Variants in NOX4 observed in about 807,000 individuals in gnomAD.
The protein encoded by NOX4 is kidney oxidase-1.
NOX4 carries 69 observed loss-of-function variants against 87.6 expected under a neutral mutation model. The ratio of observed to expected loss-of-function variants is 0.79; its 90% CI spans 0.65 to 0.96. The LOEUF (loss-of-function observed/expected upper bound fraction) is 0.96, where lower values mean the gene tolerates loss of function less well. Ranked by LOEUF, NOX4 falls within the 40% of genes least tolerant of loss-of-function variation. The probability of loss-of-function intolerance (pLI) is 0.00; values close to 1 mark genes in which losing one functional copy is unlikely to be tolerated. For synonymous variants in NOX4, 275 were observed against 238.2 expected (o/e 1.15, Z -1.42); for missense variants, 680 against 681.5 (o/e 1.00, Z 0.02).
chr11:89,438,598 A>G (rs1362871491), intron 6 of NOX4, among the ~76,000 whole-genome samples: 1 of 67,402 alleles, frequency 1.5e-5, no homozygotes, highest in Non-Finnish European at 2.3e-5. Context: ...TACTATATAT[A>G]ATACTATATA....
the NOX4 span, among the ~76,000 whole-genome samples, chr11:89,549,599 T>C: frequency 1.3e-5 from 2 of 152,212 alleles, no homozygotes; most frequent in Non-Finnish European, 2.9e-5. Flanking sequence ...CATCAACCCG[T>C]CATCTACAGT....
intron 12 of NOX4, among the ~76,000 whole-genome samples, chr11:89,373,154 G>A (rs1939571993): frequency 1.3e-5 from 2 of 150,752 alleles, no homozygotes; most frequent in Admixed American, 1.3e-4. Flanking sequence ...TGACAAGTAG[G>A]TAGAAACTTA....
At chr11:89,388,832 G>C (rs1005588911) in intron 11 of NOX4, among the ~76,000 whole-genome samples, 1 of 152,116 alleles carries the variant, frequency 6.6e-6, no homozygotes, top group Non-Finnish European at 1.5e-5. Context: ...GTCACTATCT[G>C]AAACAACCAT....
Position 89,498,048 on chromosome 11 carries a change from A to G in NOX4, c.-166T>C, listed in dbSNP as rs532064038. 5.3e-5 allele frequency: 8 copies of G among 152,292 alleles called. No homozygotes were observed. The East Asian group carries it at 1.5e-3, about 29-fold the overall frequency. The allele number at this position is 152,292 out of a possible 1,614,324, so 9.4% of individuals were successfully genotyped here. The stretch of plus-strand genomic sequence containing the variant: ...CTCAAGACCAGTATCTTCTCCTGCT[A>G]GAGGCCCATGTAGACTCTTCCCAGC... On this transcript the variant is annotated 5_prime_UTR_variant, in exon 1 of 19. Coordinates refer to the NOX4 transcript ENST00000527956.
chr11:89,433,610 T>C (rs1426470028), intron 6 of NOX4, among the ~76,000 whole-genome samples: 1 of 152,052 alleles, frequency 6.6e-6, no homozygotes, highest in Admixed American at 6.6e-5. Context: ...CCTAAAGTGT[T>C]TTCAAAAATC....
At chr11:89,418,576 T>C (rs1420310419) in intron 8 of NOX4, among the ~76,000 whole-genome samples, 1 of 151,784 alleles carries the variant, frequency 6.6e-6, no homozygotes, top group Non-Finnish European at 1.5e-5. Flanking sequence ...AATTGAGATC[T>C]GAAATATCAC....
chr11:89,336,449 A>T (rs1565171977), intron 16 of NOX4, among the ~76,000 whole-genome samples: 1 of 151,972 alleles, frequency 6.6e-6, no homozygotes, highest in Non-Finnish European at 1.5e-5. Flanking sequence ...AATACTACAA[A>T]TTGTCATCGT....
chr11:89,473,052 G>A (rs993297561), intron 2 of NOX4, among the ~76,000 whole-genome samples: 2 of 151,920 alleles, frequency 1.3e-5, no homozygotes, highest in Admixed American at 6.6e-5. Context: ...AATATTTTTT[G>A]GTTCATCTAT....
intron 6 of NOX4, among the ~76,000 whole-genome samples, chr11:89,438,456 T>C (rs1236358370): frequency 1.2e-5 from 1 of 85,290 alleles, no homozygotes; most frequent in Non-Finnish European, 1.9e-5. Flanking sequence ...TTATATAATA[T>C]ACAGCATATA....
At chr11:89,574,618 C>T in the NOX4 span, among the ~76,000 whole-genome samples, 2 of 152,166 alleles carry the variant, frequency 1.3e-5, no homozygotes, top group African/African-American at 4.8e-5. Flanking sequence ...AAGGCTTTTT[C>T]TCTCAACTGG....
At chr11:89,537,430 T>A in the NOX4 span, among the ~76,000 whole-genome samples, 1 of 151,642 alleles carries the variant, frequency 6.6e-6, no homozygotes, top group Non-Finnish European at 1.5e-5. Flanking sequence ...ATATAATATG[T>A]ATAGTTATAC....
At chr11:89,470,326 C>T (rs1372605353) in intron 2 of NOX4, among the ~76,000 whole-genome samples, 1 of 152,072 alleles carries the variant, frequency 6.6e-6, no homozygotes, top group African/African-American at 2.4e-5. Flanking sequence ...AAGTGACATT[C>T]TCATTGTAGT....
intron 7 of NOX4, among the ~76,000 whole-genome samples, chr11:89,431,001 A>G (rs1321871460): frequency 6.6e-6 from 1 of 152,204 alleles, no homozygotes; most frequent in Non-Finnish European, 1.5e-5. Context: ...TGCTACCAAA[A>G]CAGAGATATA....
the NOX4 span, among the ~76,000 whole-genome samples, chr11:89,518,609 C>T: frequency 6.6e-6 from 1 of 151,964 alleles, no homozygotes; most frequent in African/African-American, 2.4e-5. Context: ...GTAACTAAAA[C>T]CTGAATCCAC....
At chr11:89,390,245 C>A (rs1325289386) in intron 11 of NOX4, among the ~76,000 whole-genome samples, 2 of 152,112 alleles carry the variant, frequency 1.3e-5, no homozygotes, top group Admixed American at 1.3e-4. Context: ...TACTCAAATT[C>A]ATTTCTAGGT....
intron 4 of NOX4, among the ~76,000 whole-genome samples, chr11:89,445,180 T>A (rs1186625961): frequency 6.6e-6 from 1 of 152,136 alleles, no homozygotes; most frequent in Non-Finnish European, 1.5e-5. Context: ...ACAAAAGGCT[T>A]AATGAGATAA....
chr11:89,485,256 C>A (rs1946546908), intron 2 of NOX4, among the ~76,000 whole-genome samples: 1 of 151,890 alleles, frequency 6.6e-6, no homozygotes, highest in Non-Finnish European at 1.5e-5. Flanking sequence ...TTAAAAAAAG[C>A]TTCAAGATCA....
intron 9 of NOX4, among the ~76,000 whole-genome samples, chr11:89,400,735 A>G (rs1213311108): frequency 6.6e-6 from 1 of 151,866 alleles, no homozygotes; most frequent in Non-Finnish European, 1.5e-5. Context: ...ACAATCTCCG[A>G]TAAATCTGGG....
chr11:89,466,583 A>C (rs1315828186), intron 2 of NOX4, among the ~76,000 whole-genome samples: 1 of 152,206 alleles, frequency 6.6e-6, no homozygotes, highest in Non-Finnish European at 1.5e-5. Context: ...TCGAACACAT[A>C]TTTATTGTAA....
Sources: gnomAD v4.1 joint callset for allele counts (sites outside exome capture counted in the v4.1 genomes callset) on GRCh38, gnomAD v4.1.1 for gene constraint, MANE v1.5 for transcripts, NCBI Gene and HGNC (gene_info 2026-07-23, HGNC 2026-07-21) for gene names.